The following CFAP70 variants were observed in gnomAD, a reference collection of about 807,000 sequenced individuals.
The protein encoded by CFAP70 is cilia- and flagella-associated protein 70.
CFAP70 carries 81 observed loss-of-function variants against 137.6 expected under a neutral mutation model. That is an observed-to-expected ratio of 0.59 (90% CI 0.49 to 0.71). CFAP70 has a LOEUF of 0.71. Ranked by LOEUF, CFAP70 falls within the 30% of genes least tolerant of loss-of-function variation. The pLI, the probability that CFAP70 is intolerant of heterozygous loss-of-function variation, is 0.00. For synonymous variants in CFAP70, 382 were observed against 423.6 expected (o/e 0.90, Z 1.20); for missense variants, 976 against 1,226.7 (o/e 0.80, Z 3.05).
intron 8 of CFAP70, among the ~76,000 whole-genome samples, chr10:73,329,355 G>A (rs961740598): frequency 2.4e-4 from 36 of 152,214 alleles, no homozygotes; most frequent in African/African-American, 7.5e-4. Context: ...TCGGGGGAGC[G>A]GGGAGGGATA....
chr10:73,347,694 C>T (rs555273217), intron 4 of CFAP70, among the ~76,000 whole-genome samples: 6 of 152,222 alleles, frequency 3.9e-5, no homozygotes, highest in Non-Finnish European at 8.8e-5. Context: ...TAGAGGTATA[C>T]AGTAGGTGCT....
At chr10:73,253,912 A>C (rs968478219) in exon 27 of CFAP70, 7 of 1,368,982 alleles carry the variant, frequency 5.1e-6, no homozygotes, top group Non-Finnish European at 4.1e-6. Context: ...TCATACGGTA[A>C]AACTCTCTGG....
chr10:73,342,052 A>G (rs757754814), intron 5 of CFAP70, among the ~76,000 whole-genome samples: 2 of 152,216 alleles, frequency 1.3e-5, no homozygotes, highest in Admixed American at 6.5e-5. Flanking sequence ...TCCTTTAGAA[A>G]ACGAACTAAA....
chr10:73,287,739 G>A (rs1480223123), intron 19 of CFAP70, among the ~76,000 whole-genome samples: 1 of 152,164 alleles, frequency 6.6e-6, no homozygotes, highest in Non-Finnish European at 1.5e-5. Flanking sequence ...CATCCCAGGA[G>A]AAGAGTTACC....
intron 7 of CFAP70, among the ~76,000 whole-genome samples, chr10:73,334,301 G>A (rs751971907): frequency 6.6e-6 from 1 of 152,170 alleles, no homozygotes; most frequent in African/African-American, 2.4e-5. Flanking sequence ...TGCATCTAGA[G>A]GTTGGCTAAT....
intron 14 of CFAP70, 137 bp downstream of exon 15, chr10:73,298,770 A>G (rs2131976149): frequency 1.5e-6 from 1 of 679,778 alleles, no homozygotes; most frequent in Non-Finnish European, 2.5e-6. Flanking sequence ...ACTCTATCAT[A>G]GAGAACTTAG....
At chr10:73,358,835 G>A (rs1419949047), upstream of CFAP70, 2 of 152,294 alleles carry the variant, frequency 1.3e-5, no homozygotes, top group Non-Finnish European at 2.9e-5. Context: ...TCTGGGGCCG[G>A]GAGCAGGGAG....
At chr10:73,350,450 T>C (rs1215904326) in intron 3 of CFAP70, among the ~76,000 whole-genome samples, 1 of 152,346 alleles carries the variant, frequency 6.6e-6, no homozygotes, top group East Asian at 1.9e-4. Context: ...TTCTTTTCCA[T>C]GAACTTTTCA....
At chr10:73,296,053 T>TA (rs771643640) in intron 15 of CFAP70, 2 of 152,234 alleles carry the variant, frequency 1.3e-5, no homozygotes, top group Non-Finnish European at 2.9e-5. Flanking sequence ...CATTGAAACT[T>TA]AAACTTAACT....
At chr10:73,358,962 T>C (rs1397337817), upstream of CFAP70, 1 of 152,254 alleles carries the variant, frequency 6.6e-6, no homozygotes. Flanking sequence ...AGTGCATAGG[T>C]TTCCACCTTT....
At chr10:73,300,769 A>G (rs7096609) in intron 12 of CFAP70, among the ~76,000 whole-genome samples, 16,070 of 152,224 alleles carry the variant, frequency 0.11, 1,221 homozygotes, top group East Asian at 0.3. Context: ...AGGCTGAGAC[A>G]TGAATTTCTT....
At chr10:73,344,705 A>C (rs76797028) in intron 5 of CFAP70, among the ~76,000 whole-genome samples, 6,740 of 152,318 alleles carry the variant, frequency 0.044, 465 homozygotes, top group African/African-American at 0.15. Context: ...ATTTGGCCTA[A>C]GAAAATAATC....
At chr10:73,354,242 G>A (rs2054498918) in intron 2 of CFAP70, among the ~76,000 whole-genome samples, 1 of 152,130 alleles carries the variant, frequency 6.6e-6, no homozygotes, top group South Asian at 2.1e-4. Context: ...ACCCATACAT[G>A]CACACATAGA....
chr10:73,301,697 C>T (rs7893131), intron 12 of CFAP70, among the ~76,000 whole-genome samples: 16,054 of 152,164 alleles, frequency 0.11, 1,216 homozygotes, highest in East Asian at 0.3. Flanking sequence ...ATAAAGTTGA[C>T]TATGGAATGG....
chr10:73,331,423 TA>T, intron 7 of CFAP70, 147 bp from the exon 9 acceptor site: 1 of 625,016 alleles, frequency 1.6e-6, no homozygotes, highest in Non-Finnish European at 2.6e-6. Flanking sequence ...CTCATGCCTG[TA>T]AATGCCAGCA....
At chr10:73,331,525 C>CA (rs749731485) in intron 7 of CFAP70, among the ~76,000 whole-genome samples, 1 of 151,808 alleles carries the variant, frequency 6.6e-6, no homozygotes, top group African/African-American at 2.4e-5. Flanking sequence ...ATGAAAAATA[C>CA]AAAAAATTAG....
In CFAP70 at chr10:73,299,788, T is replaced by C. The variant is rs2048813278; in HGVS notation, c.1257-123A>G. ...GGAGATCTGAGGTCTGTTCCCCCAC[T>C]GCACTTGAGCACTGTGCTGTTCTCT... On this transcript the variant is annotated intron_variant, in intron 12 of 26. Coordinates refer to ENST00000310715, the Ensembl canonical transcript of CFAP70. The C allele has an allele frequency of 6.0e-6, 4 of 664,538 alleles. No individual in the cohort carries two copies. The Admixed American group carries it at 1.1e-4, about 18-fold the overall frequency. The allele number at this position is 664,538 out of a possible 1,614,324, so 41.2% of individuals were successfully genotyped here. A position where few individuals can be genotyped will look rare whatever the true frequency, so the allele number is the denominator to read the frequency against.
At chr10:73,341,666 G>C (rs1564872755) in intron 5 of CFAP70, 85 bp from the exon 7 acceptor site, 3 of 1,204,884 alleles carry the variant, frequency 2.5e-6, no homozygotes, top group East Asian at 2.3e-5. Context: ...CTTTTCAATG[G>C]AATGCTGAGT....
intron 24 of CFAP70, among the ~76,000 whole-genome samples, chr10:73,270,572 ACT>A (rs1224084979): frequency 1.4e-5 from 1 of 71,276 alleles, no homozygotes; most frequent in Non-Finnish European, 2.7e-5. Context: ...GTCTCGCTGT[ACT>A]GCCCAGGCTG....
Sources: gnomAD v4.1 joint callset for allele counts (sites outside exome capture counted in the v4.1 genomes callset) on GRCh38, gnomAD v4.1.1 for gene constraint, MANE v1.5 for transcripts, NCBI Gene and HGNC (gene_info 2026-07-23, HGNC 2026-07-21) for gene names.